RIMBP2: variants seen among roughly 807,000 people sequenced by gnomAD.
The protein encoded by RIMBP2 is RIMS binding protein 2, also known as RIMS-binding protein 2.
A neutral mutation model predicts 118.6 loss-of-function variants in RIMBP2; 48 were observed. The observed-to-expected ratio is 0.40, with a 90% CI of 0.32 to 0.51. The LOEUF (loss-of-function observed/expected upper bound fraction) is 0.51, where lower values mean the gene tolerates loss of function less well. Ranked by LOEUF, RIMBP2 falls within the 20% of genes least tolerant of loss-of-function variation. The pLI is 0.41. For synonymous variants in RIMBP2, 762 were observed against 742.9 expected (o/e 1.03, Z -0.42); for missense variants, 1,551 against 1,768.3 (o/e 0.88, Z 2.20).
chr12:130,680,779 C>T (rs553976692), intron 1 of RIMBP2, among the ~76,000 whole-genome samples: 1 of 152,198 alleles, frequency 6.6e-6, no homozygotes, highest in African/African-American at 2.4e-5. Flanking sequence ...AAGGGCAGCC[C>T]GGCCCCGTGG....
At chr12:130,406,953 T>C (rs11060865) in intron 20 of RIMBP2, among the ~76,000 whole-genome samples, 32,600 of 152,196 alleles carry the variant, frequency 0.21, 3,849 homozygotes, top group Non-Finnish European at 0.27. Flanking sequence ...AACATCTCTT[T>C]ATTCAGTGTC....
At chr12:130,444,636 G>A (rs1472170989) in intron 10 of RIMBP2, among the ~76,000 whole-genome samples, 1 of 152,196 alleles carries the variant, frequency 6.6e-6, no homozygotes, top group Middle Eastern at 3.2e-3. Context: ...TTCAAATTTG[G>A]AGAGGAGACC....
intron 5 of RIMBP2, among the ~76,000 whole-genome samples, chr12:130,477,268 A>G (rs1196618641): frequency 6.6e-6 from 1 of 152,138 alleles, no homozygotes; most frequent in Non-Finnish European, 1.5e-5. Flanking sequence ...TGCTTAGTAA[A>G]TCTAACTCCA....
chr12:130,589,708 C>T (rs912797334), intron 2 of RIMBP2, among the ~76,000 whole-genome samples: 1 of 152,178 alleles, frequency 6.6e-6, no homozygotes, highest in Non-Finnish European at 1.5e-5. Flanking sequence ...ACAGTGTACC[C>T]TTATAGACAT....
At position 130,424,867 on chromosome 12, in the gene RIMBP2, G is replaced by A; in HGVS notation, c.2413-9C>T. On this transcript the variant is annotated splice_polypyrimidine_tract_variant and intron_variant, in intron 15 of 22. Transcript: ENST00000690449. The surrounding 1 kb of genome is among the most constrained non-coding windows in gnomAD (Gnocchi z 9.8). ...CTATGGTCAGTGCAGTCCTTACGGG[G>A]TGGTGTGTCAAGAACAGGCGCGGGA... is the stretch of plus-strand genomic sequence containing the variant. The A allele has an allele frequency of 2.4e-6, 3 of 1,230,550 alleles. No individual in the cohort carries two copies. The highest frequency in any genetic ancestry group is 3.0e-6 in the Non-Finnish European group (3 of 986,434). The allele number at this position is 1,230,550 out of a possible 1,614,324, so 76.2% of individuals were successfully genotyped here.
chr12:130,521,499 C>T (rs1046959090), intron 2 of RIMBP2, among the ~76,000 whole-genome samples: 5 of 152,192 alleles, frequency 3.3e-5, no homozygotes, highest in Non-Finnish European at 7.3e-5. Context: ...GGGGGAGGCA[C>T]CAGCACGTCA....
intron 4 of RIMBP2, 27 bp downstream of exon 4, chr12:130,506,621 G>A (rs1441823785): frequency 3.0e-6 from 3 of 985,650 alleles, no homozygotes; most frequent in Non-Finnish European, 3.6e-6. Flanking sequence ...GAGCAGAAGC[G>A]GTCCCAAATG....
intron 4 of RIMBP2, among the ~76,000 whole-genome samples, chr12:130,483,633 C>T (rs1326042407): frequency 1.3e-5 from 2 of 150,860 alleles, no homozygotes; most frequent in Non-Finnish European, 3.0e-5. Flanking sequence ...TGCCCAGAGC[C>T]CCCACCCTCA....
At chr12:130,671,808 T>C (rs1170890488) in intron 1 of RIMBP2, among the ~76,000 whole-genome samples, 1 of 148,470 alleles carries the variant, frequency 6.7e-6, no homozygotes, top group Non-Finnish European at 1.5e-5. Context: ...GTTTAATGAA[T>C]GGGTTTAATG....
chr12:130,519,152 T>C (rs1226898953), intron 2 of RIMBP2, among the ~76,000 whole-genome samples: 1 of 152,256 alleles, frequency 6.6e-6, no homozygotes, highest in Non-Finnish European at 1.5e-5. Flanking sequence ...TGAATTGATC[T>C]GGTTCATCTC....
At chr12:130,408,254 T>C (rs2075365878) in intron 19 of RIMBP2, among the ~76,000 whole-genome samples, 1 of 152,188 alleles carries the variant, frequency 6.6e-6, no homozygotes. Context: ...TGCCTGTTTG[T>C]GTAACTATGG....
At chr12:130,498,925 C>A (rs967650587) in intron 4 of RIMBP2, among the ~76,000 whole-genome samples, 9 of 152,188 alleles carry the variant, frequency 5.9e-5, no homozygotes, top group Admixed American at 5.9e-4. Context: ...TTTGGGGTTG[C>A]ATTAGTCCAT....
chr12:130,550,129 C>G (rs1045160813), intron 2 of RIMBP2, among the ~76,000 whole-genome samples: 1 of 152,132 alleles, frequency 6.6e-6, no homozygotes, highest in African/African-American at 2.4e-5. Context: ...GGGTAGTTAT[C>G]GACTACATTG....
At position 130,475,816 on chromosome 12, in the gene RIMBP2, C is replaced by T. The variant is rs777210135; in HGVS notation, c.102+3096G>A. On this transcript the variant is annotated intron_variant, in intron 5 of 22. Transcript: ENST00000690449. This position sits in a 1 kb window ranked among gnomAD's most constrained non-coding sequence, Gnocchi z 4.1. ...CAAAAACGGGAGATGCTGCCGTTTA[C>T]GGAGCTCAAGGAGTTCAGCAGAAGT... Among the ~76,000 whole-genome samples the T allele has an allele frequency of 1.3e-5, 2 of 152,004 alleles. No individual in the cohort carries two copies. Among genetic ancestry groups the T allele is most frequent in the African/African-American group, 2.4e-5 (1 of 41,370 alleles).
chr12:130,455,787 C>T (rs1428641498), intron 7 of RIMBP2, among the ~76,000 whole-genome samples: 1 of 152,114 alleles, frequency 6.6e-6, no homozygotes, highest in African/African-American at 2.4e-5. Context: ...ACTTCTTAAA[C>T]AGGTGGGCAG....
At chr12:130,421,687 TTATA>T (rs1056916688) in intron 17 of RIMBP2, among the ~76,000 whole-genome samples, 2 of 112,222 alleles carry the variant, frequency 1.8e-5, no homozygotes, top group African/African-American at 4.7e-5. Flanking sequence ...CTCCCTGCAT[TTATA>T]TGTGTGTGTG....
intron 4 of RIMBP2, among the ~76,000 whole-genome samples, chr12:130,481,483 T>C (rs2082006726): frequency 6.6e-6 from 1 of 152,074 alleles, no homozygotes. Context: ...CTGAATAAAC[T>C]CGGCATCCTC....
At position 130,477,375 on chromosome 12, in the gene RIMBP2, C is replaced by T. The variant is rs11060931; in HGVS notation, c.102+1537G>A. 9.8e-3 allele frequency among the ~76,000 whole-genome samples: 1,497 copies of T among 152,274 alleles called. 95 individuals are homozygous for T. The East Asian group carries it at 0.16, about 17-fold the overall frequency. ...ACTTATATCTGTCTCAGACGGTCCC[C>T]GCCTGGGGACGTGGCTTCTGGAGTG... On this transcript the variant is annotated intron_variant, in intron 5 of 22. Coordinates refer to ENST00000690449, the MANE Select transcript of RIMBP2 (RefSeq NM_001393629.1).
intron 11 of RIMBP2, among the ~76,000 whole-genome samples, chr12:130,440,602 C>T (rs1027405099): frequency 3.3e-5 from 5 of 152,212 alleles, no homozygotes; most frequent in East Asian, 1.9e-4. Flanking sequence ...TGGTGTTTCT[C>T]GTTCTTCACC....
Sources: gnomAD v4.1 joint callset for allele counts (sites outside exome capture counted in the v4.1 genomes callset) on GRCh38, gnomAD v4.1.1 for gene constraint, Gnocchi (gnomAD v3.1) non-coding constraint, MANE v1.5 for transcripts, NCBI Gene and HGNC (gene_info 2026-07-23, HGNC 2026-07-21) for gene names.